MRPL27: variants seen among roughly 807,000 people sequenced by gnomAD.
MRPL27 encodes large ribosomal subunit protein bL27m.
A neutral mutation model predicts 14.6 loss-of-function variants in MRPL27; 4 were observed. That is an observed-to-expected ratio of 0.27 (90% CI 0.14 to 0.63). The LOEUF (loss-of-function observed/expected upper bound fraction) is 0.63. MRPL27 is among the 20% of genes least tolerant of loss of function. MRPL27 has a pLI of 0.85. For missense variants in MRPL27, 196 were observed against 192.8 expected, an observed-to-expected ratio of 1.02 and a Z score of -0.10; for synonymous variants, 82 against 75.5, an observed-to-expected ratio of 1.09 and a Z score of -0.45.
At chr17:50,370,766 T>C (rs373821483) in intron 1 of MRPL27, 180 bp from the exon 2 acceptor site, 19 of 726,484 alleles carry the variant, frequency 2.6e-5, no homozygotes, top group African/African-American at 1.6e-4. Context: ...CTTTCTCCTT[T>C]TGGGGGAGGG....
Position 50,370,562 on chromosome 17 carries a change from G to A in MRPL27, c.65C>T (p.Pro22Leu), listed in dbSNP as rs146909869. 56 of 1,614,152 alleles carry A rather than the reference G, an allele frequency of 3.5e-5. No individual in the cohort carries two copies. The African/African-American group carries it at 4.0e-4, about 12-fold the overall frequency. The change falls in exon 2 of 4, where the codon CCG (proline) becomes CTG (leucine). Residue 22 changes from proline (P) to leucine (L), a missense_variant. Coordinates refer to ENST00000225969, the MANE Select transcript of MRPL27 (RefSeq NM_016504.3). ...TAVTSLLSPT[P>L]ATALAVRYAS... is the part of the protein sequence containing the mutation. ...GTATCTGACAGCAAGAGCTGTAGCC[G>A]GAGTGGGGCTTAGCAAGGATGTAAC... is the stretch of plus-strand genomic sequence containing the variant.
At chr17:50,370,416 G>A (rs753191355) in intron 2 of MRPL27, 39 bp downstream of exon 2, 1 of 1,613,562 alleles carries the variant, frequency 6.2e-7, no homozygotes, top group South Asian at 1.1e-5. Context: ...CATGAGGACA[G>A]GGTGCAGCTA....
In MRPL27 at chr17:50,369,871, G is replaced by C. The variant is rs1598357160; in HGVS notation, c.240+161C>G. 3.6e-6 allele frequency: 3 copies of C among 824,606 alleles called. No individual in the cohort carries two copies. In the East Asian group the frequency reaches 8.3e-5, roughly 23 times the overall value. 51.1% of individuals were successfully genotyped at this position (824,606 alleles called of 1,614,324 possible). ...CTCTGGCATTTCACCTTACTTACAG[G>C]GATGTGGTAAGGAAGAAATGAGATC... is the stretch of plus-strand genomic sequence containing the variant. On this transcript the variant is annotated intron_variant, in intron 3 of 3. Transcript: ENST00000225969.
chr17:50,371,787 CTATT>C (rs1325368204), intron 1 of MRPL27, among the ~76,000 whole-genome samples: 1 of 152,190 alleles, frequency 6.6e-6, no homozygotes, highest in Non-Finnish European at 1.5e-5. Context: ...CTTTAAACAT[CTATT>C]CATTCATTTA....
chr17:50,368,442 T>C, intron 3 of MRPL27, 144 bp from the exon 4 acceptor site: 1 of 781,908 alleles, frequency 1.3e-6, no homozygotes, highest in Non-Finnish European at 2.0e-6. Context: ...CCTTTCCCAC[T>C]GGCTAGCACG....
intron 3 of MRPL27, 134 bp from the exon 4 acceptor site, chr17:50,368,432 C>A: frequency 1.2e-6 from 1 of 861,230 alleles, no homozygotes. Context: ...TCTCAGGTTC[C>A]CTTTCCCACT....
Position 50,373,166 on chromosome 17 carries a change from G to C in MRPL27, c.5C>G (p.Ala2Gly), listed in dbSNP as rs372549459. The change falls in exon 1 of 4, where the codon GCG becomes GGG. Residue 2 changes from alanine to glycine, a missense_variant. Coordinates refer to ENST00000225969, the MANE Select transcript of MRPL27 (RefSeq NM_016504.3). Reference sequence around the variant, plus strand: ...GGTCCTCAGCGCCAACACCACCGACGCCATGCTTTCGATCACTCACTTCCG... The same window carrying C: ...GGTCCTCAGCGCCAACACCACCGACCCCATGCTTTCGATCACTCACTTCCG... MASVVLALRTRT... is the reference protein window; with the variant it reads MGSVVLALRTRT... The C allele has an allele frequency of 6.2e-7, 1 of 1,610,972 alleles. No homozygotes were observed. Among genetic ancestry groups the C allele is most frequent in the Non-Finnish European group, 8.5e-7 (1 of 1,177,890 alleles).
rs202013150 is a variant in MRPL27 at position 50,370,501 on chromosome 17, G to A, written c.126C>T (p.Leu42=). The A allele has an allele frequency of 5.1e-5, 83 of 1,614,166 alleles. No individual in the cohort carries two copies. The highest frequency in any genetic ancestry group is 1.6e-4 in the Middle Eastern group (1 of 6,062). The change falls in exon 2 of 4, where the codon CTC becomes CTT. Residue 42 remains leucine (L), a synonymous_variant. Transcript: ENST00000225969. ...SKKSGGSSKN[L]GGKSSGRRQG... is the part of the protein sequence containing the mutation. Reference sequence around the variant, plus strand: ...GGCGTCTGCCTGATGACTTTCCACCGAGGTTTTTGGAGCTACCACCCGACT... The same window carrying A: ...GGCGTCTGCCTGATGACTTTCCACCAAGGTTTTTGGAGCTACCACCCGACT...
Position 50,367,882 on chromosome 17 carries a change from T to G in MRPL27, c.*210A>C. On this transcript the variant is annotated 3_prime_UTR_variant, in exon 4 of 4. Transcript: ENST00000225969. ...CATCCAGGTGTGTCCCTAAATAGCA[T>G]GCGTTCATGACGCTGGCTCACTTTA... The G allele has an allele frequency of 8.4e-6, 5 of 595,716 alleles. No individual in the cohort carries two copies. The South Asian group carries it at 1.0e-4, about 12-fold the overall frequency. 36.9% of individuals were successfully genotyped at this position (595,716 alleles called of 1,614,324 possible). A position where few individuals can be genotyped will look rare whatever the true frequency, so the allele number is the denominator to read the frequency against.
rs996363774 is a variant in MRPL27, at chr17:50,369,557, C to A, written c.240+475G>T. On this transcript the variant is annotated intron_variant, in intron 3 of 3. Coordinates refer to ENST00000225969, the MANE Select transcript of MRPL27 (RefSeq NM_016504.3). ...TGGTATGAACCTAACTCCTGGCACA[C>A]TGAATTCTATTTCATTAAATTCAAG... 4 of 207,044 alleles carry A rather than the reference C, an allele frequency of 1.9e-5. No homozygotes were observed. The South Asian group carries it at 2.2e-4, about 11-fold the overall frequency. 12.8% of individuals were successfully genotyped at this position (207,044 alleles called of 1,614,324 possible).
At chr17:50,370,857 T>A in intron 1 of MRPL27, 1 of 378,990 alleles carries the variant, frequency 2.6e-6, no homozygotes, top group South Asian at 2.4e-5. Context: ...CTAAATGTGC[T>A]GAGGAGAAAT....
rs1420743960 is a variant in MRPL27, at chr17:50,370,164, A to G, written c.173-65T>C. ...ACTACCAAGAAAACATGATGGCCCA[A>G]ATGCTGCACACCAACCTCCAAGCCT... On this transcript the variant is annotated intron_variant, in intron 2 of 3. Coordinates refer to ENST00000225969, the MANE Select transcript of MRPL27 (RefSeq NM_016504.3). 8.1e-6 allele frequency: 12 copies of G among 1,486,828 alleles called. No individual in the cohort carries two copies. The East Asian group carries it at 2.5e-4, about 31-fold the overall frequency. 92.1% of individuals were successfully genotyped at this position (1,486,828 alleles called of 1,614,324 possible).
At chr17:50,370,733 A>C (rs1913107625) in intron 1 of MRPL27, 147 bp from the exon 2 acceptor site, 4 of 920,288 alleles carry the variant, frequency 4.3e-6, no homozygotes, top group Admixed American at 2.3e-5. Context: ...ATTAGTTCTC[A>C]GGGAATACCT....
rs9911773 is a variant in MRPL27 at position 50,370,038 on chromosome 17, A to C, written c.234T>G (p.Gly78=). 7.4e-3 allele frequency: 11,935 copies of C among 1,613,882 alleles called. 811 individuals are homozygous for C. The African/African-American group carries it at 0.14, about 19-fold the overall frequency. ...ATQRHFRWHP[G]AHVGVGKNKC... ...CAGCAACGGAGCAACTCACATGGGC[A>C]CCTGGGTGCCAGCGGAAATGGCGCT... The change falls in exon 3 of 4, where the codon GGT becomes GGG. Residue 78 remains glycine (G), a synonymous_variant. Transcript: ENST00000225969.
chr17:50,369,730 A>G, intron 3 of MRPL27: 1 of 435,520 alleles, frequency 2.3e-6, no homozygotes, highest in South Asian at 3.1e-5. Flanking sequence ...AGGGTTAGAA[A>G]GGAGAACCAA....
intron 3 of MRPL27, 136 bp downstream of exon 3, chr17:50,369,896 C>T (rs1913075449): frequency 9.3e-6 from 9 of 966,308 alleles, no homozygotes; most frequent in Non-Finnish European, 9.7e-6. Flanking sequence ...GAAATGAGAT[C>T]GTGTAGGCAT....
At chr17:50,372,807 T>C (rs1913214784) in intron 1 of MRPL27, 2 of 395,418 alleles carry the variant, frequency 5.1e-6, no homozygotes, top group East Asian at 4.5e-5. Flanking sequence ...GCTGAATCAA[T>C]AGATTAATTT....
chr17:50,373,106 C>G (rs750930134), intron 1 of MRPL27, 25 bp downstream of exon 1: 7 of 1,614,008 alleles, frequency 4.3e-6, no homozygotes, highest in Non-Finnish European at 5.9e-6. Context: ...CGCCTCACCC[C>G]GCTCTGACTA....
At chr17:50,370,801 T>A in intron 1 of MRPL27, 4 of 529,530 alleles carry the variant, frequency 7.6e-6, no homozygotes, top group Non-Finnish European at 1.0e-5. Flanking sequence ...GAAACACAAA[T>A]GGAAAAAAAT....
Sources: gnomAD v4.1 joint callset for allele counts (sites outside exome capture counted in the v4.1 genomes callset) on GRCh38, gnomAD v4.1.1 for gene constraint, MANE v1.5 for transcripts, NCBI Gene and HGNC (gene_info 2026-07-23, HGNC 2026-07-21) for gene names.